Variants in SLC22A16 observed in about 807,000 individuals in gnomAD.
The protein encoded by SLC22A16 is solute carrier family 22 member 16.
Under a neutral mutation model 52.9 loss-of-function variants are expected in SLC22A16, and 53 were observed. The ratio of observed to expected loss-of-function variants is 1.00; its 90% confidence interval spans 0.80 to 1.26. The LOEUF (loss-of-function observed/expected upper bound fraction) is 1.26, where lower values mean the gene tolerates loss of function less well. SLC22A16 is among the 50% of genes most tolerant of loss of function. SLC22A16 has a pLI of 0.00. For missense variants in SLC22A16, 726 were observed against 704.0 expected (o/e 1.03, Z -0.35); for synonymous variants, 291 against 268.8 (o/e 1.08, Z -0.81).
intron 1 of SLC22A16, among the ~76,000 whole-genome samples, chr6:110,468,703 A>T (rs1476908305): frequency 2.0e-5 from 3 of 152,068 alleles, no homozygotes; most frequent in Admixed American, 6.6e-5. Context: ...GAAAAAAAGA[A>T]ATCAGCCTCA....
Position 110,425,052 on chromosome 6 carries a change from C to T in SLC22A16, c.1555G>A (p.Val519Met), listed in dbSNP as rs1774199707. The T allele has an allele frequency of 6.2e-7, 1 of 1,614,058 alleles. No homozygotes were observed. Among genetic ancestry groups the T allele is most frequent in the Non-Finnish European group, 8.5e-7 (1 of 1,180,038 alleles). Residue 519 changes from valine (V) to methionine (M), a missense_variant, in exon 8 of 8, where the codon GTG (valine) becomes ATG (methionine). By Grantham distance (21) the Val-to-Met change is conservative. Transcript: ENST00000368919. The stretch of plus-strand genomic sequence containing the variant: ...GTTTCTGGAAGCTTTAGTGTTAACA[C>T]TCCACTCAGGAGGGCCATAGTCCCA... ...FVGTMALLSG[V>M]LTLKLPETLG...
At chr6:110,438,990 G>A (rs983896811) in intron 4 of SLC22A16, 143 bp from the exon 5 acceptor site, 23 of 1,004,992 alleles carry the variant, frequency 2.3e-5, no homozygotes, top group Admixed American at 2.1e-4. Context: ...GAATTGCTGC[G>A]AGGCAGCCAG....
At chr6:110,437,995 C>T (rs1258687423) in intron 5 of SLC22A16, among the ~76,000 whole-genome samples, 1 of 152,194 alleles carries the variant, frequency 6.6e-6, no homozygotes, top group African/African-American at 2.4e-5. Context: ...TCATATCCTT[C>T]AGATGTCTCC....
chr6:110,427,251 A>AG (rs1217101091), intron 7 of SLC22A16, among the ~76,000 whole-genome samples: 2 of 142,880 alleles, frequency 1.4e-5, no homozygotes, highest in South Asian at 2.3e-4. Flanking sequence ...CAATCTCAAA[A>AG]AAAAAAAAAA....
intron 2 of SLC22A16, among the ~76,000 whole-genome samples, chr6:110,451,717 A>G (rs1397252669): frequency 6.6e-6 from 1 of 152,114 alleles, no homozygotes; most frequent in Non-Finnish European, 1.5e-5. Context: ...GCACACATTC[A>G]TGTCTTTCCT....
rs769803050 is a variant in SLC22A16, at chr6:110,438,845, C to T, written c.1186G>A (p.Val396Ile). 16 of 1,613,804 alleles carry T rather than the reference C, an allele frequency of 9.9e-6. No individual in the cohort carries two copies. Among genetic ancestry groups the T allele is most frequent in the Middle Eastern group, 3.3e-4 (2 of 6,080 alleles). ...AAGGTGTAGGCGGGAATTTCCACTA[C>T]ACCTGTCATTGAGCAAGCAGCCCTC... ...NEYLNLFLLG[V>I]VEIPAYTFVC... Residue 396 changes from valine (V) to isoleucine (I), a missense_variant and splice_region_variant, in exon 5 of 8, where the codon GTA (valine) becomes ATA (isoleucine). Physicochemically the swap from Val to Ile is conservative, Grantham distance 29 (BLOSUM62 3). Coordinates refer to ENST00000368919, the MANE Select transcript of SLC22A16 (RefSeq NM_033125.4).
rs778197382 is a variant in SLC22A16 at position 110,476,507 on chromosome 6, G to GCACCCCCCCCCC, written c.53+14_53+15insGGGGGGGGGGTG. The GCACCCCCCCCCC allele has an allele frequency of 1.9e-6, 2 of 1,072,998 alleles. No homozygotes were observed. Among genetic ancestry groups the GCACCCCCCCCCC allele is most frequent in the African/African-American group, 5.6e-5 (2 of 35,466 alleles). 66.5% of individuals were successfully genotyped at this position (1,072,998 alleles called of 1,614,324 possible). ...GCCGCCTCCCGCGTGGCGCCGCGGG[G>GCACCCCCCCCCC]CCCCTCCCCCATACCTGCCGAAGTG... On this transcript the variant is annotated intron_variant, in intron 1 of 7. Transcript: ENST00000368919.
chr6:110,458,375 T>A (rs1431305634), intron 1 of SLC22A16, among the ~76,000 whole-genome samples: 2 of 152,204 alleles, frequency 1.3e-5, no homozygotes, highest in Non-Finnish European at 2.9e-5. Context: ...TCTTTTCTTT[T>A]GTCTCTTTGT....
chr6:110,446,828 A>G, intron 3 of SLC22A16, 45 bp downstream of exon 3: 2 of 1,535,536 alleles, frequency 1.3e-6, no homozygotes, highest in South Asian at 1.2e-5. Context: ...AAGGTTTCCT[A>G]TGAAAAACTG....
intron 5 of SLC22A16, among the ~76,000 whole-genome samples, chr6:110,437,596 C>T (rs1390274102): frequency 6.6e-6 from 1 of 152,080 alleles, no homozygotes; most frequent in South Asian, 2.1e-4. Context: ...AAATTTCAAA[C>T]GATATGCAAA....
chr6:110,458,550 T>C (rs1257887900), intron 1 of SLC22A16, among the ~76,000 whole-genome samples: 1 of 152,178 alleles, frequency 6.6e-6, no homozygotes, highest in African/African-American at 2.4e-5. Flanking sequence ...CATGAATTCA[T>C]ACTGTGTGGT....
intron 5 of SLC22A16, among the ~76,000 whole-genome samples, chr6:110,436,894 C>G (rs537472712): frequency 2.1e-4 from 32 of 152,264 alleles, no homozygotes; most frequent in African/African-American, 7.5e-4. Context: ...AAATCTCCCT[C>G]CTCCCCCATC....
In SLC22A16 at chr6:110,447,019, A is replaced by G. The variant is rs1435942141; in HGVS notation, c.534-29T>C. ...AAAAATAAGAGTCACACAGTGGAAG[A>G]GGAAAGGTAGAGTTGTAACAGTTTA... On this transcript the variant is annotated intron_variant, in intron 2 of 7. Transcript: ENST00000368919. 1.9e-6 allele frequency: 3 copies of G among 1,576,250 alleles called. No homozygotes were observed. The African/African-American group carries it at 4.1e-5, about 21-fold the overall frequency.
chr6:110,468,999 G>A (rs182167317), intron 1 of SLC22A16, among the ~76,000 whole-genome samples: 56 of 152,268 alleles, frequency 3.7e-4, no homozygotes, highest in Middle Eastern at 3.4e-3. Flanking sequence ...TTCAGAAGGT[G>A]TTTCTTCCTT....
At position 110,438,748 on chromosome 6, in the gene SLC22A16, G is replaced by A. The variant is rs755538593; in HGVS notation, c.1283C>T (p.Ala428Val). The A allele has an allele frequency of 1.2e-6, 2 of 1,613,724 alleles. No individual in the cohort carries two copies. Among genetic ancestry groups the A allele is most frequent in the Non-Finnish European group, 8.5e-7 (1 of 1,179,902 alleles). ...GGGGATCACCATAACGACACCACAG[G>A]CCAGTGCACTGCAGAAAAGAGAGTA... ...LAYSLFCSAL[A>V]CGVVMVIPQK... The change falls in exon 5 of 8, where the codon GCC becomes GTC. Residue 428 changes from alanine to valine, a missense_variant. Physicochemically the swap from Ala to Val is moderately conservative, Grantham distance 64. Coordinates refer to ENST00000368919, the MANE Select transcript of SLC22A16 (RefSeq NM_033125.4).
chr6:110,426,551 TCTCACCTCCTC>T (rs1774262961), intron 7 of SLC22A16, among the ~76,000 whole-genome samples: 1 of 152,018 alleles, frequency 6.6e-6, no homozygotes, highest in Non-Finnish European at 1.5e-5. Context: ...CCCCACTGCC[TCTCACCTCCTC>T]CTCAGAGATC....
At chr6:110,463,331 A>G (rs1245537923) in intron 1 of SLC22A16, among the ~76,000 whole-genome samples, 2 of 151,990 alleles carry the variant, frequency 1.3e-5, no homozygotes, top group Non-Finnish European at 2.9e-5. Flanking sequence ...ATAGATGAGC[A>G]AAATGGATTT....
intron 1 of SLC22A16, among the ~76,000 whole-genome samples, chr6:110,470,605 C>A (rs2114298593): frequency 6.6e-6 from 1 of 152,228 alleles, no homozygotes; most frequent in South Asian, 2.1e-4. Flanking sequence ...CAGCCAGTGA[C>A]CCCCACAGTC....
chr6:110,458,649 G>C (rs750761199), intron 1 of SLC22A16, among the ~76,000 whole-genome samples: 16 of 152,202 alleles, frequency 1.1e-4, no homozygotes, highest in Non-Finnish European at 1.8e-4. Flanking sequence ...GAGTGTCTCT[G>C]GAAGAGATTA....
Sources: gnomAD v4.1 joint callset for allele counts (sites outside exome capture counted in the v4.1 genomes callset) on GRCh38, gnomAD v4.1.1 for gene constraint, MANE v1.5 for transcripts, NCBI Gene and HGNC (gene_info 2026-07-23, HGNC 2026-07-21) for gene names.